CSMD1: variants seen among roughly 807,000 people sequenced by gnomAD.
CSMD1 encodes CUB and Sushi multiple domains 1.
Under a neutral mutation model 417.5 loss-of-function variants are expected in CSMD1, and 213 were observed. The ratio of observed to expected loss-of-function variants is 0.51; its 90% CI spans 0.46 to 0.57. The LOEUF (loss-of-function observed/expected upper bound fraction) is 0.57, where lower values mean the gene tolerates loss of function less well. CSMD1 is among the 20% of genes least tolerant of loss of function. The pLI is 0.00. For missense variants in CSMD1, 6,923 were observed against 4,529.7 expected, an observed-to-expected ratio of 1.53 and a Z score of -15.17; for synonymous variants, 2,862 against 1,736.8, an observed-to-expected ratio of 1.65 and a Z score of -16.11.
At chr8:4,868,989 T>A (rs563278620) in intron 1 of CSMD1, among the ~76,000 whole-genome samples, 1 of 152,088 alleles carries the variant, frequency 6.6e-6, no homozygotes, top group Admixed American at 6.5e-5. Context: ...GAATAGATGA[T>A]ATAAAGATAA....
chr8:4,181,504 A>C (rs566865161), intron 3 of CSMD1, among the ~76,000 whole-genome samples: 27 of 152,306 alleles, frequency 1.8e-4, no homozygotes, highest in African/African-American at 6.3e-4. Flanking sequence ...GCTTTAAAAA[A>C]ATCACCAGAA....
intron 26 of CSMD1, among the ~76,000 whole-genome samples, chr8:3,231,370 C>CA (rs918887058): frequency 8.0e-5 from 12 of 149,298 alleles, no homozygotes; most frequent in South Asian, 2.1e-4. Flanking sequence ...TATGAAAGAG[C>CA]AAAAAAAAAG....
intron 26 of CSMD1, among the ~76,000 whole-genome samples, chr8:3,253,369 T>C (rs1563189437): frequency 6.6e-6 from 1 of 152,340 alleles, no homozygotes; most frequent in South Asian, 2.1e-4. Context: ...TGAGTTCTGG[T>C]TTGATTGCAC....
chr8:4,601,005 G>A (rs973250729), intron 2 of CSMD1, among the ~76,000 whole-genome samples: 24 of 144,048 alleles, frequency 1.7e-4, no homozygotes, highest in African/African-American at 5.9e-4. Context: ...CACCCAGGCT[G>A]GAGTGCAACG....
intron 5 of CSMD1, among the ~76,000 whole-genome samples, chr8:3,953,780 G>A (rs550388546): frequency 2.6e-5 from 4 of 152,036 alleles, no homozygotes; most frequent in Non-Finnish European, 4.4e-5. Flanking sequence ...TTATCCACAA[G>A]CCCCGCAACA....
chr8:3,457,653 TAAGAC>T (rs1211285675), intron 12 of CSMD1, among the ~76,000 whole-genome samples: 1 of 152,210 alleles, frequency 6.6e-6, no homozygotes, highest in Non-Finnish European at 1.5e-5. Flanking sequence ...CATCCATTTC[TAAGAC>T]AACACAATTC....
At chr8:4,554,086 T>G (rs2130578516) in intron 2 of CSMD1, among the ~76,000 whole-genome samples, 1 of 152,310 alleles carries the variant, frequency 6.6e-6, no homozygotes, top group Admixed American at 6.5e-5. Flanking sequence ...TTTTTAATAT[T>G]GTGTGTAAAT....
intron 12 of CSMD1, among the ~76,000 whole-genome samples, chr8:3,447,257 C>CT (rs1360972897): frequency 1.3e-5 from 2 of 151,962 alleles, no homozygotes; most frequent in Non-Finnish European, 2.9e-5. Context: ...TAGCAGCACA[C>CT]TTTTTTATGA....
intron 7 of CSMD1, among the ~76,000 whole-genome samples, chr8:3,695,057 A>T (rs1167509611): frequency 2.0e-5 from 3 of 147,474 alleles, no homozygotes. Context: ...ACGTGGAAGA[A>T]AGAACATCAC....
intron 3 of CSMD1, among the ~76,000 whole-genome samples, chr8:4,300,992 A>C (rs575169025): frequency 6.6e-6 from 1 of 152,192 alleles, no homozygotes; most frequent in Non-Finnish European, 1.5e-5. Flanking sequence ...CACTATAAAC[A>C]TAAGTGTGCA....
intron 3 of CSMD1, among the ~76,000 whole-genome samples, chr8:4,108,840 T>A (rs529595961): frequency 2.0e-5 from 3 of 152,332 alleles, no homozygotes; most frequent in Middle Eastern, 3.4e-3. Context: ...GTTCTGCATA[T>A]GCATGCACAA....
Position 3,219,519 on chromosome 8 carries a change from G to C in CSMD1, c.4485-77C>G, listed in dbSNP as rs1213593024. ...CCAGAGTGGTAAGCCTTTGAGCTCA[G>C]AAAGTGATTTTATTTGCTTTTGTAT... On this transcript the variant is annotated intron_variant, in intron 28 of 69. Transcript: ENST00000635120. The C allele has an allele frequency of 5.7e-6, 6 of 1,049,382 alleles. No individual in the cohort carries two copies. The African/African-American group carries it at 9.9e-5, about 17-fold the overall frequency. The allele number at this position is 1,049,382 out of a possible 1,614,324, so 65.0% of individuals were successfully genotyped here.
chr8:3,409,124 C>A (rs1563357700), intron 13 of CSMD1, among the ~76,000 whole-genome samples: 1 of 152,164 alleles, frequency 6.6e-6, no homozygotes, highest in Non-Finnish European at 1.5e-5. Flanking sequence ...TCTGATACAG[C>A]AGATCATCAC....
At chr8:3,480,521 A>T (rs1371761614) in intron 11 of CSMD1, among the ~76,000 whole-genome samples, 4 of 152,202 alleles carry the variant, frequency 2.6e-5, no homozygotes, top group Non-Finnish European at 4.4e-5. Context: ...GAAATTATTT[A>T]AAAAAATAAT....
At chr8:4,216,737 T>G (rs1800696841) in intron 3 of CSMD1, among the ~76,000 whole-genome samples, 1 of 152,098 alleles carries the variant, frequency 6.6e-6, no homozygotes, top group South Asian at 2.1e-4. Context: ...ATGGAGATGT[T>G]TTAAGACCTT....
At chr8:4,467,185 A>G (rs547093364) in intron 2 of CSMD1, among the ~76,000 whole-genome samples, 1 of 152,218 alleles carries the variant, frequency 6.6e-6, no homozygotes, top group African/African-American at 2.4e-5. Context: ...TTCTGTAAAC[A>G]ATGTTCAAAG....
intron 5 of CSMD1, among the ~76,000 whole-genome samples, chr8:3,967,466 A>T (rs1164445361): frequency 1.3e-5 from 2 of 152,168 alleles, no homozygotes; most frequent in African/African-American, 2.4e-5. Flanking sequence ...GGAAAAAAAA[A>T]AAAACAGATG....
intron 2 of CSMD1, among the ~76,000 whole-genome samples, chr8:4,635,196 C>G (rs1305243246): frequency 6.6e-6 from 1 of 152,026 alleles, no homozygotes; most frequent in African/African-American, 2.4e-5. Flanking sequence ...CATAACCCAG[C>G]AAGTAAAAGA....
chr8:4,051,873 C>CT (rs11447800), intron 3 of CSMD1, among the ~76,000 whole-genome samples: 88,453 of 129,760 alleles, frequency 0.68, 30,282 homozygotes, highest in South Asian at 0.74. Context: ...TCTTTCCTTC[C>CT]TCCTTTCTTC....
Sources: allele counts gnomAD v4.1 joint callset (sites outside exome capture counted in the v4.1 genomes callset), GRCh38; gene constraint gnomAD v4.1.1; transcripts MANE v1.5; gene names NCBI Gene and HGNC (gene_info 2026-07-23, HGNC 2026-07-21).